Variants in WT1 observed in about 807,000 individuals in gnomAD.
WT1 encodes WT1 transcription factor, also known as Wilms tumor protein.
A neutral mutation model predicts 60.8 loss-of-function variants in WT1; 8 were observed. The observed-to-expected ratio is 0.13, with a 90% CI of 0.08 to 0.24. WT1 has a LOEUF of 0.24. Ranked by LOEUF, WT1 falls within the 10% of genes least tolerant of loss-of-function variation. The probability of loss-of-function intolerance (pLI) is 1.00; values close to 1 mark genes in which losing one functional copy is unlikely to be tolerated. For missense variants in WT1, 568 were observed against 711.8 expected (o/e 0.80, Z 2.30); for synonymous variants, 312 against 297.1 (o/e 1.05, Z -0.52).
chr11:32,407,688 G>A (rs1261589254), intron 5 of WT1, among the ~76,000 whole-genome samples: 1 of 152,042 alleles, frequency 6.6e-6, no homozygotes, highest in Non-Finnish European at 1.5e-5. Flanking sequence ...GGGCTCATAC[G>A]TGAGATGCTG....
chr11:32,419,195 T>G (rs576506438), intron 3 of WT1, among the ~76,000 whole-genome samples: 1 of 152,348 alleles, frequency 6.6e-6, no homozygotes, highest in Admixed American at 6.5e-5. Context: ...ACCCCAACTT[T>G]TATTAGAAGT....
chr11:32,400,478 C>A, intron 5 of WT1: 1 of 325,412 alleles, frequency 3.1e-6, no homozygotes, highest in Non-Finnish European at 6.0e-6. Context: ...CCAGATAGCA[C>A]CAAAAAAGTG....
At chr11:32,430,596 C>T in intron 1 of WT1, 1 of 1,594,274 alleles carries the variant, frequency 6.3e-7, no homozygotes, top group South Asian at 1.1e-5. Context: ...CAGAGCCCTG[C>T]TCCGCAACTG....
At chr11:32,402,964 T>C (rs775317243) in intron 5 of WT1, among the ~76,000 whole-genome samples, 1 of 152,192 alleles carries the variant, frequency 6.6e-6, no homozygotes, top group Non-Finnish European at 1.5e-5. Context: ...GGGTGTTAGC[T>C]GGGTTCCTGG....
chr11:32,392,285 A>C (rs761774088), intron 8 of WT1, among the ~76,000 whole-genome samples: 2 of 152,208 alleles, frequency 1.3e-5, no homozygotes, highest in African/African-American at 2.4e-5. Flanking sequence ...GGGAACAACC[A>C]TTCCTTAACC....
chr11:32,392,447 AC>A (rs1851845484), intron 8 of WT1, among the ~76,000 whole-genome samples: 2 of 151,920 alleles, frequency 1.3e-5, no homozygotes, highest in Non-Finnish European at 2.9e-5. Flanking sequence ...GTGGGATCTC[AC>A]TGTTCTGTGG....
rs572439044 is a variant in WT1, at chr11:32,430,878, G to A, written c.662-2259C>T. The A allele has an allele frequency of 2.5e-6, 3 of 1,186,582 alleles. No individual in the cohort carries two copies. In the African/African-American group the frequency reaches 4.6e-5, roughly 18 times the overall value. 73.5% of individuals were successfully genotyped at this position (1,186,582 alleles called of 1,614,324 possible). ...TATCGGACACGGGTTTGATTAGAGC[G>A]CGCTGTCCCTGGGCCCAGCGCTTGG... is the stretch of plus-strand genomic sequence containing the variant. On this transcript the variant is annotated intron_variant, in intron 1 of 9. Transcript: ENST00000452863.
chr11:32,390,676 C>T (rs557905573), intron 9 of WT1, among the ~76,000 whole-genome samples: 1 of 152,204 alleles, frequency 6.6e-6, no homozygotes, highest in East Asian at 1.9e-4. Context: ...AGGGCTGGCT[C>T]CTAATGGACT....
In WT1 at chr11:32,403,614, G is replaced by A. The variant is rs140108565; in HGVS notation, c.1017-3570C>T. On this transcript the variant is annotated intron_variant, in intron 5 of 9. Transcript: ENST00000452863. ...TTTTGAGACAGAGTCTGGCTCTGTC[G>A]CCCAGGCTGGAGTGCAGTGGCATGA... Among the ~76,000 whole-genome samples the A allele has an allele frequency of 6.3e-3, 851 of 135,786 alleles. 9 individuals carry two copies. The highest frequency in any genetic ancestry group is 0.022 in the African/African-American group (799 of 35,762). 89.1% of individuals were successfully genotyped at this position (135,786 alleles called of 152,430 possible). A position where few individuals can be genotyped will look rare whatever the true frequency, so the allele number is the denominator to read the frequency against.
intron 3 of WT1, among the ~76,000 whole-genome samples, chr11:32,421,360 C>T (rs142029569): frequency 1.3e-5 from 2 of 152,342 alleles, no homozygotes; most frequent in African/African-American, 2.4e-5. Context: ...TGGCTTACAG[C>T]GACCACTGTG....
At chr11:32,391,816 T>C (rs1037327055) in intron 9 of WT1, among the ~76,000 whole-genome samples, 156 bp downstream of exon 9, 3 of 152,242 alleles carry the variant, frequency 2.0e-5, no homozygotes, top group Admixed American at 2.0e-4. Flanking sequence ...TGTTATTATT[T>C]ATTATTTAAA....
At chr11:32,389,246 G>T (rs1424504191) in intron 9 of WT1, 67 bp from the exon 10 acceptor site, 2 of 1,611,918 alleles carry the variant, frequency 1.2e-6, no homozygotes, top group East Asian at 2.2e-5. Context: ...AACTATCAAG[G>T]CCCGAGTGAA....
At chr11:32,397,020 T>C (rs570696430) in intron 6 of WT1, among the ~76,000 whole-genome samples, 1 of 152,342 alleles carries the variant, frequency 6.6e-6, no homozygotes, top group African/African-American at 2.4e-5. Context: ...CCTTTAATAG[T>C]GAGGCCAGAA....
At chr11:32,391,942 A>T (rs746687182) in intron 9 of WT1, 30 bp downstream of exon 9, 1 of 1,596,206 alleles carries the variant, frequency 6.3e-7, no homozygotes. Flanking sequence ...AAAAATAATG[A>T]AAAATAAATG....
chr11:32,402,768 C>A (rs1852194893), intron 5 of WT1, among the ~76,000 whole-genome samples: 1 of 152,186 alleles, frequency 6.6e-6, no homozygotes, highest in Non-Finnish European at 1.5e-5. Flanking sequence ...ATAGGATGGT[C>A]TCAAACTCCT....
At position 32,388,101 on chromosome 11, in the gene WT1, G is replaced by T. The variant is rs1214105801; in HGVS notation, c.*957C>A. 1 of 234,864 alleles carries T rather than the reference G, an allele frequency of 4.3e-6. No individual in the cohort carries two copies. The highest frequency in any genetic ancestry group is 8.4e-6 in the Non-Finnish European group (1 of 119,362). The allele number at this position is 234,864 out of a possible 1,614,324, so 14.5% of individuals were successfully genotyped here. On this transcript the variant is annotated 3_prime_UTR_variant, in exon 10 of 10. Transcript: ENST00000452863. The stretch of plus-strand genomic sequence containing the variant: ...CTCATTTTTTTCACATATACTTGTA[G>T]ACCCAAAGGTCCTTAAGTTACTTAA...
chr11:32,408,829 T>C (rs76341541), intron 5 of WT1, among the ~76,000 whole-genome samples: 1,525 of 152,152 alleles, frequency 0.01, 25 homozygotes, highest in African/African-American at 0.035. Context: ...TAAAACAAAA[T>C]ACAACAAAAC....
At chr11:32,421,567 T>C (rs1852855477) in intron 3 of WT1, among the ~76,000 whole-genome samples, 1 of 152,210 alleles carries the variant, frequency 6.6e-6, no homozygotes, top group Non-Finnish European at 1.5e-5. Flanking sequence ...GAAACTTCTA[T>C]AACTGGGATT....
rs995943288 is a variant in WT1 at position 32,388,884 on chromosome 11, A to T, written c.*174T>A. 37 of 1,204,028 alleles carry T rather than the reference A, an allele frequency of 3.1e-5. No homozygotes were observed. The Middle Eastern group carries it at 8.3e-4, about 27-fold the overall frequency. 74.6% of individuals were successfully genotyped at this position (1,204,028 alleles called of 1,614,324 possible). Reference sequence around the variant, plus strand: ...CTAAAAGTAGGCAGGGCAGAGACCAACTCTTCCAGGCACACCTGGTAGTTT... The same window carrying T: ...CTAAAAGTAGGCAGGGCAGAGACCATCTCTTCCAGGCACACCTGGTAGTTT... On this transcript the variant is annotated 3_prime_UTR_variant, in exon 10 of 10. Coordinates refer to ENST00000452863, the MANE Select transcript of WT1 (RefSeq NM_024426.6).
Sources: gnomAD v4.1 joint callset for allele counts (sites outside exome capture counted in the v4.1 genomes callset) on GRCh38, gnomAD v4.1.1 for gene constraint, MANE v1.5 for transcripts, NCBI Gene and HGNC (gene_info 2026-07-23, HGNC 2026-07-21) for gene names.